The following CBR1 variants were observed in gnomAD, a reference collection of about 807,000 sequenced individuals.
CBR1 encodes the protein carbonyl reductase [NADPH] 1.
Under a neutral mutation model 10.6 loss-of-function variants are expected in CBR1, and 11 were observed. That is an observed-to-expected ratio of 1.03 (90% CI 0.65 to 1.71). CBR1 has a LOEUF of 1.71. Ranked by LOEUF, CBR1 falls within the 40% of genes most tolerant of loss-of-function variation. CBR1 has a pLI of 0.00. For missense variants in CBR1, 361 were observed against 368.6 expected (o/e 0.98, Z 0.17); for synonymous variants, 158 against 156.7 (o/e 1.01, Z -0.06).
chr21:36,071,108 C>A, intron 2 of CBR1, 51 bp downstream of exon 2: 1 of 1,225,182 alleles, frequency 8.2e-7, no homozygotes, highest in Non-Finnish European at 1.2e-6. Flanking sequence ...TGATTTGGCC[C>A]CTGCTTGCCT....
In CBR1 at chr21:36,072,625, G is replaced by A. The variant is rs199906618; in HGVS notation, c.577G>A (p.Ala193Thr). The A allele has an allele frequency of 3.1e-5, 50 of 1,609,174 alleles. No individual in the cohort carries two copies. The highest frequency in any genetic ancestry group is 6.7e-5 in the East Asian group (3 of 44,820). ...VHQKEGWPSSAYGVTKIGVTV... is the reference protein window; with the variant it reads ...VHQKEGWPSSTYGVTKIGVTV... ...CCAGAAGGAGGGCTGGCCCAGCAGC[G>A]CATACGGGGTGACGAAGATTGGCGT... The change falls in exon 3 of 3, where the codon GCA becomes ACA. Residue 193 changes from alanine to threonine, a missense_variant. By Grantham distance (58) the Ala-to-Thr change is moderately conservative (BLOSUM62 0). Coordinates refer to ENST00000290349, the MANE Select transcript of CBR1 (RefSeq NM_001757.4).
Position 36,072,534 on chromosome 21 carries a change from C to T in CBR1, c.486C>T (p.Thr162=). 1 of 1,604,362 alleles carries T rather than the reference C, an allele frequency of 6.2e-7. No individual in the cohort carries two copies. Among genetic ancestry groups the T allele is most frequent in the East Asian group, 2.2e-5 (1 of 44,800 alleles). The stretch of plus-strand genomic sequence containing the variant: ...TGCAGCAGAAGTTCCGCAGTGAGAC[C>T]ATCACTGAGGAGGAGCTGGTGGGGC... The part of the protein sequence containing the change: ...PELQQKFRSE[T]ITEEELVGLM... The change falls in exon 3 of 3, where the codon ACC becomes ACT. Residue 162 remains threonine, a synonymous_variant. Coordinates refer to ENST00000290349, the MANE Select transcript of CBR1 (RefSeq NM_001757.4).
rs1408734538 is a variant in CBR1, at chr21:36,072,634, G to A, written c.586G>A (p.Val196Met). The A allele has an allele frequency of 6.2e-7, 1 of 1,611,542 alleles. No homozygotes were observed. Among genetic ancestry groups the A allele is most frequent in the South Asian group, 1.1e-5 (1 of 90,970 alleles). ...GGGCTGGCCCAGCAGCGCATACGGG[G>A]TGACGAAGATTGGCGTCACCGTTCT... Reference protein sequence around the residue: ...KEGWPSSAYGVTKIGVTVLSR... With the variant: ...KEGWPSSAYGMTKIGVTVLSR... Residue 196 changes from valine (V) to methionine (M), a missense_variant, in exon 3 of 3, where the codon GTG (valine) becomes ATG (methionine). By Grantham distance (21) the Val-to-Met change is conservative. Coordinates refer to ENST00000290349, the MANE Select transcript of CBR1 (RefSeq NM_001757.4).
rs998574769 is a variant in CBR1, at chr21:36,073,031, A to G, written c.*149A>G. ...CTCACTAATGTACTACTAATTGAGC[A>G]ACCTACGCACTCAGTTGACTACGTA... On this transcript the variant is annotated 3_prime_UTR_variant, in exon 3 of 3. Transcript: ENST00000290349. The G allele has an allele frequency of 3.7e-6, 2 of 545,792 alleles. No individual in the cohort carries two copies. Among genetic ancestry groups the G allele is most frequent in the South Asian group, 3.0e-5 (1 of 33,636 alleles). The allele number at this position is 545,792 out of a possible 1,614,324, so 33.8% of individuals were successfully genotyped here.
At position 36,071,709 on chromosome 21, in the gene CBR1, C is replaced by T. The variant is rs1007014358; in HGVS notation, c.397+652C>T. The stretch of plus-strand genomic sequence containing the variant: ...GTGCCCACTGAGTTCCTCCTGAATC[C>T]GTCTCATTGCAGCTCTACAGCAGGC... On this transcript the variant is annotated intron_variant, in intron 2 of 2. Transcript: ENST00000290349. 7.0e-6 allele frequency: 5 copies of T among 715,200 alleles called. No homozygotes were observed. In the African/African-American group the frequency reaches 7.0e-5, roughly 10 times the overall value. The allele number at this position is 715,200 out of a possible 1,614,324, so 44.3% of individuals were successfully genotyped here.
chr21:36,071,015 C>T lies in CBR1; in HGVS notation c.355C>T (p.Arg119Ter), dbSNP rs761407628. The change falls in exon 2 of 3, where the codon CGA (arginine) becomes TGA (stop). Residue 119 changes from arginine to a stop codon, truncating the protein, a stop_gained. Coordinates refer to ENST00000290349, the MANE Select transcript of CBR1 (RefSeq NM_001757.4). LOFTEE classifies it low-confidence loss of function (END_TRUNC). ...GATGAAAACAAATTTCTTTGGTACC[C>T]GAGATGTGTGCACAGAATTACTCCC... ...VTMKTNFFGT[R>*]DVCTELLPLI... 3.1e-6 allele frequency: 5 copies of T among 1,613,692 alleles called. No individual in the cohort carries two copies. Among genetic ancestry groups the T allele is most frequent in the Admixed American group, 1.7e-5 (1 of 59,996 alleles).
intron 1 of CBR1, among the ~76,000 whole-genome samples, 171 bp from the exon 2 acceptor site, chr21:36,070,779 T>C (rs2065345869): frequency 6.6e-6 from 1 of 151,634 alleles, no homozygotes; most frequent in Admixed American, 6.6e-5. Flanking sequence ...TACTAGAACA[T>C]GATCAAACCA....
chr21:36,071,516 G>C (rs1241750090), intron 2 of CBR1: 2 of 557,442 alleles, frequency 3.6e-6, no homozygotes, highest in African/African-American at 3.8e-5. Flanking sequence ...TTGTCTTGCT[G>C]CCTTTCCATC....
chr21:36,072,292 A>G (rs2065357543), intron 2 of CBR1, 154 bp from the exon 3 acceptor site: 3 of 1,555,140 alleles, frequency 1.9e-6, no homozygotes, highest in Middle Eastern at 1.7e-4. Flanking sequence ...TGCAACTACC[A>G]CCACACTTTC....
At position 36,070,344 on chromosome 21, in the gene CBR1, C is replaced by T. The variant is rs766432246; in HGVS notation, c.229C>T (p.Leu77=). Residue 77 remains leucine, a synonymous_variant, in exon 1 of 3, where the codon CTG becomes TTG. Transcript: ENST00000290349. Reference sequence around the variant, plus strand: ...GAGCATCCGCGCCCTGCGCGACTTCCTGCGCAAGGAGTACGGGGGCCTGGA... The same window carrying T: ...GAGCATCCGCGCCCTGCGCGACTTCTTGCGCAAGGAGTACGGGGGCCTGGA... ...LQSIRALRDF[L]RKEYGGLDVL... 1.2e-6 allele frequency: 2 copies of T among 1,613,352 alleles called. No homozygotes were observed. The highest frequency in any genetic ancestry group is 1.1e-5 in the South Asian group (1 of 91,058).
rs942331536 is a variant in CBR1 at position 36,071,952 on chromosome 21, G to A, written c.398-494G>A. On this transcript the variant is annotated intron_variant, in intron 2 of 2. Coordinates refer to ENST00000290349, the MANE Select transcript of CBR1 (RefSeq NM_001757.4). ...GGGCCCATTTTAACTCCCCTTCAAC[G>A]TGCTGAAGGTGCTGGACATGACTAT... 3.9e-6 allele frequency: 6 copies of A among 1,535,842 alleles called. No homozygotes were observed. In the African/African-American group the frequency reaches 5.5e-5, roughly 14 times the overall value.
intron 2 of CBR1, 141 bp from the exon 3 acceptor site, chr21:36,072,305 T>G (rs1474695280): frequency 1.3e-6 from 2 of 1,562,550 alleles, no homozygotes; most frequent in East Asian, 4.7e-5. Context: ...ACACTTTCTA[T>G]GCGTATTCCT....
At chr21:36,070,448 C>T (rs771180650) in intron 1 of CBR1, 44 bp downstream of exon 1, 4 of 1,531,096 alleles carry the variant, frequency 2.6e-6, no homozygotes, top group Non-Finnish European at 1.8e-6. Context: ...AACCGATGCA[C>T]TGGGGCTCCT....
At chr21:36,071,540 T>A in intron 2 of CBR1, 1 of 560,154 alleles carries the variant, frequency 1.8e-6, no homozygotes, top group East Asian at 3.0e-5. Flanking sequence ...TCCTGATGCC[T>A]TTCCCCACAA....
At chr21:36,070,479 C>A in intron 1 of CBR1, 75 bp downstream of exon 1, 1 of 1,438,576 alleles carries the variant, frequency 7.0e-7, no homozygotes, top group Non-Finnish European at 9.3e-7. Flanking sequence ...GGGTCCATAA[C>A]GCCTCCCTAG....
chr21:36,071,082 C>T (rs745950206), intron 2 of CBR1, 25 bp downstream of exon 2: 19 of 1,488,516 alleles, frequency 1.3e-5, no homozygotes, highest in South Asian at 4.5e-5. Flanking sequence ...AAACAGCGCA[C>T]CTTCTCTTTG....
rs1259025375 is a variant in CBR1, at chr21:36,070,330, C to T, written c.215C>T (p.Ala72Val). The change falls in exon 1 of 3, where the codon GCC becomes GTC. Residue 72 changes from alanine to valine, a missense_variant. Ala to Val is a moderately conservative substitution (Grantham distance 64, BLOSUM62 0). Transcript: ENST00000290349. The part of the protein sequence containing the change: ...LDIDDLQSIR[A>V]LRDFLRKEYG... ...ATCGACGATCTGCAGAGCATCCGCG[C>T]CCTGCGCGACTTCCTGCGCAAGGAG... 7 of 1,613,198 alleles carry T rather than the reference C, an allele frequency of 4.3e-6. No homozygotes were observed. In the African/African-American group the frequency reaches 9.3e-5, roughly 22 times the overall value.
Position 36,070,043 on chromosome 21 carries a change from A to G in CBR1, c.-73A>G. ...ACCGCCAGACTCGAGCAGTCTCTGG[A>G]ACACGCTGCGGGGCTCCCGGGCCTG... On this transcript the variant is annotated 5_prime_UTR_variant, in exon 1 of 3. Transcript: ENST00000290349. 1 of 1,424,146 alleles carries G rather than the reference A, an allele frequency of 7.0e-7. No homozygotes were observed. The highest frequency in any genetic ancestry group is 9.2e-7 in the Non-Finnish European group (1 of 1,086,134). 88.2% of individuals were successfully genotyped at this position (1,424,146 alleles called of 1,614,324 possible). A position where few individuals can be genotyped will look rare whatever the true frequency, so the allele number is the denominator to read the frequency against.
intron 2 of CBR1, 48 bp from the exon 3 acceptor site, chr21:36,072,398 C>T (rs2835265): frequency 0.12 from 200,060 of 1,613,512 alleles, 13,828 homozygotes; most frequent in East Asian, 0.24. Flanking sequence ...CACCTCTCTA[C>T]GGGATTGTTG....
Sources: allele counts gnomAD v4.1 joint callset (sites outside exome capture counted in the v4.1 genomes callset), GRCh38; gene constraint gnomAD v4.1.1; transcripts MANE v1.5; gene names NCBI Gene and HGNC (gene_info 2026-07-23, HGNC 2026-07-21).